The following TMEM218 variants were observed in gnomAD, a reference collection of about 807,000 sequenced individuals.
TMEM218 encodes transmembrane protein 218.
A neutral mutation model predicts 10.0 loss-of-function variants in TMEM218; 8 were observed. The ratio of observed to expected loss-of-function variants is 0.80; its 90% CI spans 0.47 to 1.44. The LOEUF (loss-of-function observed/expected upper bound fraction) is 1.44, where lower values mean the gene tolerates loss of function less well. Among genes scored for constraint, TMEM218 ranks in the 40% most tolerant of loss-of-function variants. TMEM218 has a pLI of 0.00. For missense variants in TMEM218, 110 were observed against 140.1 expected (o/e 0.79, Z 1.08); for synonymous variants, 66 against 63.5 (o/e 1.04, Z -0.18).
intron 1 of TMEM218, among the ~76,000 whole-genome samples, chr11:125,110,175 AATT>A (rs945148763): frequency 5.0e-5 from 6 of 120,230 alleles, no homozygotes; most frequent in African/African-American, 1.7e-4. Flanking sequence ...AGAATAGCTA[AATT>A]ATTGTTATTG....
Position 125,102,272 on chromosome 11 carries a change from C to T in TMEM218, c.-31G>A, listed in dbSNP as rs756892096. ...GGGGAGGCAGCGGCGGCCCCCCGCC[C>T]TGCGCGCCGCACGATCGAGTGTCCT... On this transcript the variant is annotated 5_prime_UTR_variant, in exon 3 of 5. Coordinates refer to ENST00000682305, the MANE Select transcript of TMEM218 (RefSeq NM_001258244.2). The T allele has an allele frequency of 1.9e-5, 30 of 1,605,816 alleles. No homozygotes were observed. The highest frequency in any genetic ancestry group is 2.5e-5 in the Non-Finnish European group (29 of 1,176,998).
chr11:125,106,805 T>C (rs1210280538), intron 1 of TMEM218, among the ~76,000 whole-genome samples: 4 of 152,150 alleles, frequency 2.6e-5, no homozygotes, highest in South Asian at 2.1e-4. Context: ...TATAAATGCA[T>C]CCTACATCCA....
In TMEM218 at chr11:125,095,054, A is replaced by G. The variant is rs1949457991; in HGVS notation, c.*2552T>C. Among the ~76,000 whole-genome samples the G allele has an allele frequency of 6.6e-6, 1 of 152,244 alleles. No homozygotes were observed. The highest frequency in any genetic ancestry group is 1.5e-5 in the Non-Finnish European group (1 of 68,044). ...TGGTAGCTTTACTTCCATTTTTATCAGTGAAAAATTTAAGGAACTTAACAA... is the reference window on the plus strand; with the variant it reads ...TGGTAGCTTTACTTCCATTTTTATCGGTGAAAAATTTAAGGAACTTAACAA... On this transcript the variant is annotated 3_prime_UTR_variant, in exon 5 of 5. Coordinates refer to ENST00000682305, the MANE Select transcript of TMEM218 (RefSeq NM_001258244.2).
chr11:125,106,515 C>T (rs1303395871), intron 1 of TMEM218, among the ~76,000 whole-genome samples: 1 of 152,098 alleles, frequency 6.6e-6, no homozygotes, highest in Non-Finnish European at 1.5e-5. Flanking sequence ...ACTGATAGAT[C>T]AAGCAGATAA....
At position 125,101,996 on chromosome 11, in the gene TMEM218, A is replaced by G. The variant is rs781012591; in HGVS notation, c.110+136T>C. The stretch of plus-strand genomic sequence containing the variant: ...AATAACACAGTTAGTGTTTATAAAA[A>G]GAGGTTAAAATGCAACTCATTCAAA... On this transcript the variant is annotated intron_variant, in intron 3 of 4. Coordinates refer to ENST00000682305, the MANE Select transcript of TMEM218 (RefSeq NM_001258244.2). 7.0e-5 allele frequency: 71 copies of G among 1,012,110 alleles called. 1 individual carries two copies. The highest frequency in any genetic ancestry group is 9.6e-5 in the Non-Finnish European group (70 of 725,480). 62.7% of individuals were successfully genotyped at this position (1,012,110 alleles called of 1,614,324 possible). A position where few individuals can be genotyped will look rare whatever the true frequency, so the allele number is the denominator to read the frequency against.
chr11:125,097,812 G>T (rs1949890960), intron 4 of TMEM218, 72 bp from the exon 5 acceptor site: 6 of 1,469,042 alleles, frequency 4.1e-6, no homozygotes, highest in Non-Finnish European at 4.7e-6. Flanking sequence ...TGAACTCCAT[G>T]ATGAGTGGGC....
chr11:125,108,957 C>CA lies in TMEM218; in HGVS notation c.-153+2581dup, dbSNP rs1952960567. On this transcript the variant is annotated intron_variant, in intron 1 of 4. Transcript: ENST00000682305. This position sits in a 1 kb window ranked among gnomAD's most constrained non-coding sequence, Gnocchi z 5.3. ...TAACAAAATACATCTTCACAAATTC[C>CA]AAAACACCCTAAAACGGGCAGCAAC... 6.6e-6 allele frequency among the ~76,000 whole-genome samples: 1 copy of CA among 152,088 alleles called. No individual in the cohort carries two copies. The highest frequency in any genetic ancestry group is 6.5e-5 in the Admixed American group (1 of 15,270).
intron 4 of TMEM218, among the ~76,000 whole-genome samples, chr11:125,099,986 C>A (rs1950430274): frequency 6.6e-6 from 1 of 151,132 alleles, no homozygotes; most frequent in Non-Finnish European, 1.5e-5. Flanking sequence ...ACATGTGGTA[C>A]CCACACCTCC....
At chr11:125,105,675 TG>T (rs1270542480) in intron 1 of TMEM218, among the ~76,000 whole-genome samples, 1 of 152,086 alleles carries the variant, frequency 6.6e-6, no homozygotes, top group Non-Finnish European at 1.5e-5. Context: ...AGGAGGTATA[TG>T]TTTTTTAAGC....
In TMEM218 at chr11:125,101,418, A is replaced by C. The variant is rs576054052; in HGVS notation, c.111-115T>G. ...TATTCTATGTTTCAGTCCCTTAACA[A>C]TGTCCAGAGGCCTGCTGTCAACAAC... On this transcript the variant is annotated intron_variant, in intron 3 of 4. Transcript: ENST00000682305. 34 of 1,524,408 alleles carry C rather than the reference A, an allele frequency of 2.2e-5. No homozygotes were observed. The South Asian group carries it at 4.2e-4, about 19-fold the overall frequency. 94.4% of individuals were successfully genotyped at this position (1,524,408 alleles called of 1,614,324 possible).
intron 1 of TMEM218, among the ~76,000 whole-genome samples, chr11:125,106,501 A>C (rs1387691011): frequency 6.6e-6 from 1 of 152,234 alleles, no homozygotes; most frequent in Non-Finnish European, 1.5e-5. Flanking sequence ...TATATGTCTC[A>C]GAAACTGATA....
In TMEM218 at chr11:125,094,869, T is replaced by C. The variant is rs1949435489; in HGVS notation, c.*2737A>G. Among the ~76,000 whole-genome samples, 1 of 152,184 alleles carries C rather than the reference T, an allele frequency of 6.6e-6. No homozygotes were observed. Among genetic ancestry groups the C allele is most frequent in the Non-Finnish European group, 1.5e-5 (1 of 68,024 alleles). ...TTACAGCCTAGTTCTTCCATGGGCT[T>C]ACTCCACCAGGACTAGTGCTTTACA... On this transcript the variant is annotated 3_prime_UTR_variant, in exon 5 of 5. Coordinates refer to ENST00000682305, the MANE Select transcript of TMEM218 (RefSeq NM_001258244.2).
At chr11:125,109,937 G>C (rs1406629884) in intron 1 of TMEM218, among the ~76,000 whole-genome samples, 1 of 152,220 alleles carries the variant, frequency 6.6e-6, no homozygotes, top group Non-Finnish European at 1.5e-5. Flanking sequence ...GAGTTCGTGA[G>C]ACATTGGATT....
At chr11:125,110,853 G>A (rs1219448026) in intron 1 of TMEM218, 3 of 144,304 alleles carry the variant, frequency 2.1e-5, no homozygotes, top group Non-Finnish European at 3.1e-5. Flanking sequence ...AAAATAACGG[G>A]GGGGGGGGGT....
intron 1 of TMEM218, among the ~76,000 whole-genome samples, chr11:125,107,898 A>AG (rs1276141976): frequency 1.5e-4 from 22 of 151,068 alleles, no homozygotes; most frequent in South Asian, 2.1e-4. Context: ...AAAAAAAAAA[A>AG]AGAGAGAGAG....
intron 3 of TMEM218, chr11:125,101,622 A>G: frequency 1.3e-6 from 1 of 746,986 alleles, no homozygotes; most frequent in Non-Finnish European, 2.1e-6. Context: ...TGTTGTTTTT[A>G]GAACAGAATA....
intron 1 of TMEM218, among the ~76,000 whole-genome samples, chr11:125,109,402 G>T (rs551022602): frequency 1.2e-4 from 19 of 152,102 alleles, no homozygotes; most frequent in Non-Finnish European, 2.4e-4. Flanking sequence ...AAGGGAATGG[G>T]GTTAGGAGTG....
intron 1 of TMEM218, among the ~76,000 whole-genome samples, chr11:125,111,051 A>G (rs1183978607): frequency 6.6e-6 from 1 of 152,214 alleles, no homozygotes; most frequent in Non-Finnish European, 1.5e-5. Flanking sequence ...AAGGAGGATC[A>G]GTAAACCTAG....
At position 125,101,489 on chromosome 11, in the gene TMEM218, G is replaced by A. The variant is rs1256444111; in HGVS notation, c.111-186C>T. 2.0e-6 allele frequency: 3 copies of A among 1,526,740 alleles called. No individual in the cohort carries two copies. In the African/African-American group the frequency reaches 4.1e-5, roughly 21 times the overall value. The allele number at this position is 1,526,740 out of a possible 1,614,324, so 94.6% of individuals were successfully genotyped here. On this transcript the variant is annotated intron_variant, in intron 3 of 4. Transcript: ENST00000682305. ...CTTCCTAGACAGGTACCAGCTGGGT[G>A]CATTCCCATTTATTCTTGGTAATTC...
Sources: gnomAD v4.1 joint callset for allele counts (sites outside exome capture counted in the v4.1 genomes callset) on GRCh38, gnomAD v4.1.1 for gene constraint, Gnocchi (gnomAD v3.1) non-coding constraint, MANE v1.5 for transcripts, NCBI Gene and HGNC (gene_info 2026-07-23, HGNC 2026-07-21) for gene names.